The following BRMS1L variants were observed in gnomAD, a reference collection of about 807,000 sequenced individuals.
BRMS1L encodes the protein BRMS1 like transcriptional repressor, also known as breast cancer metastasis-suppressor 1-like protein.
Under a neutral mutation model 50.3 loss-of-function variants are expected in BRMS1L, and 23 were observed. That is an observed-to-expected ratio of 0.46 (90% CI 0.33 to 0.65). The LOEUF (loss-of-function observed/expected upper bound fraction) is 0.65, where lower values mean the gene tolerates loss of function less well. BRMS1L is among the 30% of genes least tolerant of loss of function. The pLI, the probability that BRMS1L is intolerant of heterozygous loss-of-function variation, is 0.02. For missense variants in BRMS1L, 286 were observed against 386.1 expected (o/e 0.74, Z 2.17); for synonymous variants, 114 against 126.9 (o/e 0.90, Z 0.69).
rs2078368140 is a variant in BRMS1L, at chr14:35,862,692, G to A, written c.538+6G>A. 1 of 1,597,948 alleles carries A rather than the reference G, an allele frequency of 6.3e-7. No homozygotes were observed. The highest frequency in any genetic ancestry group is 1.7e-5 in the Admixed American group (1 of 59,260). Reference sequence around the variant, plus strand: ...CAGCATTGATATTACCTCAGGTAAGGAGAATGATATGATTGTGATGTTTGA... The same window carrying A: ...CAGCATTGATATTACCTCAGGTAAGAAGAATGATATGATTGTGATGTTTGA... On this transcript the variant is annotated splice_donor_region_variant and intron_variant, in intron 5 of 9. Coordinates refer to ENST00000216807, the MANE Select transcript of BRMS1L (RefSeq NM_032352.4).
intron 1 of BRMS1L, among the ~76,000 whole-genome samples, chr14:35,827,207 G>C (rs560298977): frequency 1.3e-5 from 2 of 152,136 alleles, no homozygotes; most frequent in African/African-American, 4.8e-5. Context: ...CAACATTCGG[G>C]CTCATTTTGG....
intron 4 of BRMS1L, among the ~76,000 whole-genome samples, chr14:35,848,668 G>A (rs577065574): frequency 6.6e-6 from 1 of 152,014 alleles, no homozygotes; most frequent in African/African-American, 2.4e-5. Context: ...TCTTCTATGA[G>A]TTTGATTTTT....
intron 1 of BRMS1L, among the ~76,000 whole-genome samples, chr14:35,830,256 A>G (rs943449034): frequency 2.0e-5 from 3 of 152,002 alleles, no homozygotes; most frequent in Non-Finnish European, 2.9e-5. Context: ...TTTAGTAGAG[A>G]TGGGTTTTCT....
chr14:35,838,012 A>C (rs1416035449), intron 4 of BRMS1L, among the ~76,000 whole-genome samples: 1 of 152,008 alleles, frequency 6.6e-6, no homozygotes, highest in Non-Finnish European at 1.5e-5. Context: ...TCCTAATGCT[A>C]TTCCTCCCCT....
At chr14:35,841,321 A>T (rs1398020998) in intron 4 of BRMS1L, among the ~76,000 whole-genome samples, 6 of 149,588 alleles carry the variant, frequency 4.0e-5, no homozygotes, top group East Asian at 2.0e-4. Flanking sequence ...ATTTTATTTT[A>T]TTTTTTTTTG....
intron 4 of BRMS1L, among the ~76,000 whole-genome samples, chr14:35,861,272 T>A (rs2078347844): frequency 6.6e-6 from 1 of 152,218 alleles, no homozygotes; most frequent in South Asian, 2.1e-4. Context: ...CTGCTTGGCC[T>A]AATTTGTCAA....
At chr14:35,849,566 A>C (rs1427774281) in intron 4 of BRMS1L, among the ~76,000 whole-genome samples, 2 of 151,880 alleles carry the variant, frequency 1.3e-5, no homozygotes, top group Admixed American at 6.6e-5. Flanking sequence ...CTCAAAATGT[A>C]GAAATTACAG....
chr14:35,829,715 T>C (rs1430437973), intron 1 of BRMS1L: 2 of 589,680 alleles, frequency 3.4e-6, no homozygotes, highest in Non-Finnish European at 5.0e-6. Flanking sequence ...TTTTAATCTG[T>C]TTTAGAAAAT....
intron 5 of BRMS1L, 64 bp downstream of exon 5, chr14:35,862,750 A>G (rs1566429475): frequency 3.8e-6 from 4 of 1,063,376 alleles, no homozygotes; most frequent in Admixed American, 4.4e-5. Flanking sequence ...CTGTAGTGTC[A>G]TATCGTATCT....
intron 4 of BRMS1L, among the ~76,000 whole-genome samples, chr14:35,854,600 G>C (rs1315123291): frequency 6.6e-6 from 1 of 152,094 alleles, no homozygotes; most frequent in Non-Finnish European, 1.5e-5. Flanking sequence ...TATTGTCTCT[G>C]TTCCATTTTC....
intron 4 of BRMS1L, among the ~76,000 whole-genome samples, chr14:35,846,459 A>T (rs946545391): frequency 6.6e-6 from 1 of 151,702 alleles, no homozygotes; most frequent in African/African-American, 2.4e-5. Context: ...TTTAGTTTTC[A>T]TGTCTTTTTA....
chr14:35,861,112 A>C (rs2078345574), intron 4 of BRMS1L, among the ~76,000 whole-genome samples: 1 of 152,206 alleles, frequency 6.6e-6, no homozygotes, highest in Admixed American at 6.5e-5. Flanking sequence ...CAAGAAAAAG[A>C]AAGAGAAATA....
intron 4 of BRMS1L, among the ~76,000 whole-genome samples, chr14:35,862,082 CT>C (rs2078359324): frequency 6.6e-6 from 1 of 151,098 alleles, no homozygotes; most frequent in African/African-American, 2.5e-5. Flanking sequence ...ATAATTTAGA[CT>C]ATAATTGAAT....
intron 4 of BRMS1L, among the ~76,000 whole-genome samples, chr14:35,848,474 T>G (rs531917681): frequency 6.6e-6 from 1 of 152,268 alleles, no homozygotes; most frequent in South Asian, 2.1e-4. Flanking sequence ...TAGCTGGGAC[T>G]ACAGGTGTGC....
chr14:35,841,663 G>T (rs575430335), intron 4 of BRMS1L, among the ~76,000 whole-genome samples: 10 of 152,278 alleles, frequency 6.6e-5, no homozygotes, highest in African/African-American at 2.4e-4. Context: ...TTGATTTGGG[G>T]TGGAGAGTTC....
intron 4 of BRMS1L, among the ~76,000 whole-genome samples, chr14:35,849,851 G>A (rs769931651): frequency 2.6e-5 from 4 of 151,496 alleles, no homozygotes; most frequent in African/African-American, 9.7e-5. Context: ...ACAGAGTGTC[G>A]TTCTGTCACC....
chr14:35,836,037 T>C (rs141297533), intron 4 of BRMS1L, among the ~76,000 whole-genome samples: 1 of 152,352 alleles, frequency 6.6e-6, no homozygotes, highest in East Asian at 1.9e-4. Flanking sequence ...TAGAGCTCAT[T>C]GTTTCATTTT....
chr14:35,844,422 TC>T (rs2078106999), intron 4 of BRMS1L, among the ~76,000 whole-genome samples: 1 of 152,054 alleles, frequency 6.6e-6, no homozygotes, highest in South Asian at 2.1e-4. Flanking sequence ...CCCTCATGGC[TC>T]CCCTTGGCTA....
At chr14:35,830,234 T>G (rs1281887854) in intron 1 of BRMS1L, among the ~76,000 whole-genome samples, 1 of 151,414 alleles carries the variant, frequency 6.6e-6, no homozygotes, top group East Asian at 2.0e-4. Context: ...CACGCCCAGC[T>G]AATTTTGTAT....
Sources: allele counts gnomAD v4.1 joint callset (sites outside exome capture counted in the v4.1 genomes callset), GRCh38; gene constraint gnomAD v4.1.1; transcripts MANE v1.5; gene names NCBI Gene and HGNC (gene_info 2026-07-23, HGNC 2026-07-21).